The following PEAK1 variants were observed in gnomAD, a reference collection of about 807,000 sequenced individuals.
The protein encoded by PEAK1 is inactive tyrosine-protein kinase PEAK1.
PEAK1 carries 54 observed loss-of-function variants against 124.7 expected under a neutral mutation model. That is an observed-to-expected ratio of 0.43 (90% CI 0.35 to 0.54). PEAK1 has a LOEUF of 0.54. Among genes scored for constraint, PEAK1 ranks in the 20% least tolerant of loss-of-function variants. The pLI is 0.01. For synonymous variants in PEAK1, 719 were observed against 760.0 expected (o/e 0.95, Z 0.89); for missense variants, 2,046 against 2,134.5 (o/e 0.96, Z 0.82).
chr15:77,187,581 T>C (rs1051793881), intron 6 of PEAK1, among the ~76,000 whole-genome samples: 1 of 152,168 alleles, frequency 6.6e-6, no homozygotes, highest in Non-Finnish European at 1.5e-5. Flanking sequence ...TTAAACACCA[T>C]ATATACAGCA....
chr15:77,397,333 G>T (rs2070972743), intron 1 of PEAK1, among the ~76,000 whole-genome samples: 1 of 151,962 alleles, frequency 6.6e-6, no homozygotes, highest in Non-Finnish European at 1.5e-5. Context: ...AGATTTACAG[G>T]TATAATCACC....
At chr15:77,402,054 C>T (rs2071411538) in intron 1 of PEAK1, 1 of 758,908 alleles carries the variant, frequency 1.3e-6, no homozygotes, top group East Asian at 1.3e-4. Context: ...CAAAGATTAA[C>T]TGGGCGTAGA....
chr15:77,332,235 C>A, intron 2 of PEAK1: 1 of 984,418 alleles, frequency 1.0e-6, no homozygotes, highest in Non-Finnish European at 1.2e-6. Context: ...TTTGACAAAA[C>A]ACAAAAAGTT....
intron 2 of PEAK1, chr15:77,346,859 C>G (rs1016053549): frequency 3.6e-6 from 2 of 555,070 alleles, no homozygotes; most frequent in Non-Finnish European, 4.6e-6. Flanking sequence ...CACAATGTCC[C>G]TTTGTCCCCA....
At chr15:77,363,170 G>A (rs1263376039) in intron 2 of PEAK1, among the ~76,000 whole-genome samples, 2 of 152,014 alleles carry the variant, frequency 1.3e-5, no homozygotes, top group Non-Finnish European at 2.9e-5. Context: ...TTTTTAGCTT[G>A]ATCATAAACA....
At chr15:77,334,821 T>C (rs74847007) in intron 2 of PEAK1, 1 of 985,296 alleles carries the variant, frequency 1.0e-6, no homozygotes, top group Non-Finnish European at 1.2e-6. Context: ...TAATTTGCTA[T>C]TCACTGCATC....
intron 2 of PEAK1, chr15:77,335,008 AG>A (rs1284680344): frequency 4.1e-6 from 4 of 985,374 alleles, no homozygotes; most frequent in Non-Finnish European, 4.8e-6. Flanking sequence ...TTGAGGCAGG[AG>A]GGTTGGTAGC....
chr15:77,184,672 G>A (rs771350334), intron 6 of PEAK1, among the ~76,000 whole-genome samples: 2 of 152,180 alleles, frequency 1.3e-5, no homozygotes, highest in Non-Finnish European at 2.9e-5. Context: ...TGAGGCGGGT[G>A]GATCACTTGA....
chr15:77,311,414 G>A (rs557744361), intron 2 of PEAK1, among the ~76,000 whole-genome samples: 1 of 152,100 alleles, frequency 6.6e-6, no homozygotes, highest in Admixed American at 6.5e-5. Flanking sequence ...AGTGGCTCAC[G>A]CCTGTAATCC....
intron 1 of PEAK1, chr15:77,401,562 AC>A: frequency 1.0e-6 from 1 of 978,928 alleles, no homozygotes; most frequent in Non-Finnish European, 1.2e-6. Context: ...AAAACTCAAC[AC>A]AAAAATTGTA....
intron 9 of PEAK1, among the ~76,000 whole-genome samples, chr15:77,117,700 A>C (rs997519132): frequency 2.0e-5 from 3 of 152,216 alleles, no homozygotes; most frequent in African/African-American, 7.2e-5. Flanking sequence ...CACCAGCAGT[A>C]TGTTAGAATC....
intron 6 of PEAK1, among the ~76,000 whole-genome samples, chr15:77,236,794 T>C (rs762061162): frequency 6.6e-6 from 1 of 152,118 alleles, no homozygotes; most frequent in African/African-American, 2.4e-5. Context: ...TGGGAAGTGA[T>C]GGGATCATCG....
At chr15:77,382,367 C>T (rs1306153469) in intron 1 of PEAK1, among the ~76,000 whole-genome samples, 1 of 152,204 alleles carries the variant, frequency 6.6e-6, no homozygotes, top group East Asian at 1.9e-4. Flanking sequence ...TCTATAGATC[C>T]CCAGTCTTTA....
chr15:77,249,748 TC>T (rs1386532013), intron 6 of PEAK1, among the ~76,000 whole-genome samples: 1 of 152,096 alleles, frequency 6.6e-6, no homozygotes, highest in East Asian at 1.9e-4. Context: ...GGTCTTGAAC[TC>T]CTGACCTCAG....
intron 1 of PEAK1, chr15:77,417,945 T>G (rs2073022530): frequency 1.0e-6 from 1 of 972,828 alleles, no homozygotes; most frequent in African/African-American, 1.8e-5. Context: ...CTTAAATATT[T>G]ACATTACCAT....
intron 5 of PEAK1, among the ~76,000 whole-genome samples, chr15:77,277,046 A>G (rs891416268): frequency 1.3e-5 from 2 of 152,150 alleles, no homozygotes; most frequent in Non-Finnish European, 2.9e-5. Context: ...TATACTTTAA[A>G]ACACTGAATT....
In PEAK1 at chr15:77,145,904, G is replaced by A. The variant is rs149289585; in HGVS notation, c.3332-12154C>T. The stretch of plus-strand genomic sequence containing the variant: ...ATTCCCAGCACTTAGCCTGGTACCA[G>A]GGAGATAGTTGGTGTTCAACAAATG... On this transcript the variant is annotated intron_variant, in intron 8 of 9. Transcript: ENST00000682557. 3.3e-4 allele frequency among the ~76,000 whole-genome samples: 50 copies of A among 152,258 alleles called. 1 individual carries two copies. The East Asian group carries it at 8.7e-3, about 26-fold the overall frequency.
chr15:77,243,838 C>T (rs2060460158), intron 6 of PEAK1, among the ~76,000 whole-genome samples: 1 of 152,060 alleles, frequency 6.6e-6, no homozygotes, highest in Non-Finnish European at 1.5e-5. Context: ...AGTGGTGGCA[C>T]ATGTCTGTAA....
chr15:77,179,584 TG>T lies in PEAK1; in HGVS notation c.2342del (p.Pro781GlnfsTer68). 2 of 1,614,158 alleles carry T rather than the reference TG, an allele frequency of 1.2e-6. No homozygotes were observed. The highest frequency in any genetic ancestry group is 1.7e-6 in the Non-Finnish European group (2 of 1,180,022). On this transcript the variant is annotated frameshift_variant, in exon 7 of 10. Transcript: ENST00000682557. LOFTEE classifies it high-confidence loss of function. ...CTTTAGGGCCAGATTGAGGTGTTTC[TG>T]GAGGAGACTGTGGGGGTTGGATTGA... ...VASIQPPQSPPETPQSGPKAC... is the reference protein window; with the variant it reads ...VASIQPPQSPXETPQSGPKAC...
Sources: gnomAD v4.1 joint callset for allele counts (sites outside exome capture counted in the v4.1 genomes callset) on GRCh38, gnomAD v4.1.1 for gene constraint, MANE v1.5 for transcripts, NCBI Gene and HGNC (gene_info 2026-07-23, HGNC 2026-07-21) for gene names.